IGSF5: variants seen among roughly 807,000 people sequenced by gnomAD.
IGSF5 encodes immunoglobulin superfamily 5 like.
A neutral mutation model predicts 39.4 loss-of-function variants in IGSF5; 41 were observed. The observed-to-expected ratio is 1.04, with a 90% confidence interval of 0.81 to 1.35. The LOEUF is 1.35. Ranked by LOEUF, IGSF5 falls within the 40% of genes most tolerant of loss-of-function variation. IGSF5 has a pLI of 0.00. For synonymous variants in IGSF5, 183 were observed against 175.3 expected (o/e 1.04, Z -0.34); for missense variants, 487 against 494.6 (o/e 0.98, Z 0.15).
chr21:39,735,913 C>A, the IGSF5 span, among the ~76,000 whole-genome samples: 2 of 152,180 alleles, frequency 1.3e-5, no homozygotes, highest in African/African-American at 4.8e-5. Context: ...TCAGATCACT[C>A]CACAATCTTC....
chr21:39,800,114 A>G (rs766648402), intron 8 of IGSF5, among the ~76,000 whole-genome samples: 1 of 152,194 alleles, frequency 6.6e-6, no homozygotes, highest in African/African-American at 2.4e-5. Context: ...AAAATAACCA[A>G]TTACTGGGAA....
intron 8 of IGSF5, 80 bp downstream of exon 8, chr21:39,793,693 T>C: frequency 1.8e-6 from 2 of 1,120,726 alleles, no homozygotes; most frequent in Non-Finnish European, 2.7e-6. Flanking sequence ...GATTATAAAA[T>C]GGTGCGCGTT....
chr21:39,774,634 A>T (rs1055064433), intron 4 of IGSF5, among the ~76,000 whole-genome samples: 1 of 152,236 alleles, frequency 6.6e-6, no homozygotes, highest in Non-Finnish European at 1.5e-5. Context: ...CTGGAGAGTG[A>T]GGCCGTCTCA....
At chr21:39,748,842 A>C (rs2266513) in intron 2 of IGSF5, among the ~76,000 whole-genome samples, 109,308 of 152,078 alleles carry the variant, frequency 0.72, 41,579 homozygotes, top group Non-Finnish European at 0.84. Flanking sequence ...GTGAGGTTAG[A>C]AGTAAGCCTC....
the IGSF5 span, chr21:39,726,221 ATTCCTGTGTGGAC>A: frequency 6.6e-6 from 1 of 152,248 alleles, no homozygotes; most frequent in African/African-American, 2.4e-5. Context: ...TCAGACCTTG[ATTCCTGTGTGGAC>A]TTTGAAAGAG....
chr21:39,730,595 G>T, the IGSF5 span: 1 of 152,192 alleles, frequency 6.6e-6, no homozygotes, highest in East Asian at 1.9e-4. Context: ...CTTGAGCAAC[G>T]ACCAGCTCTT....
upstream of IGSF5, among the ~76,000 whole-genome samples, chr21:39,742,397 T>A (rs534208473): frequency 6.6e-6 from 1 of 151,992 alleles, no homozygotes; most frequent in East Asian, 1.9e-4. Context: ...GACAGGAGAG[T>A]AAGACTGAGA....
At chr21:39,784,128 G>T (rs2080185083) in intron 5 of IGSF5, among the ~76,000 whole-genome samples, 1 of 152,162 alleles carries the variant, frequency 6.6e-6, no homozygotes, top group South Asian at 2.1e-4. Flanking sequence ...AAATTGAAAG[G>T]CAGTAAACTC....
intron 2 of IGSF5, among the ~76,000 whole-genome samples, chr21:39,759,197 T>C (rs1186208313): frequency 6.6e-6 from 1 of 152,186 alleles, no homozygotes; most frequent in Non-Finnish European, 1.5e-5. Context: ...AGTATCAGAG[T>C]GTGTTGCCTG....
intron 2 of IGSF5, among the ~76,000 whole-genome samples, chr21:39,764,774 T>C (rs369363717): frequency 1.4e-4 from 22 of 152,344 alleles, no homozygotes; most frequent in African/African-American, 5.3e-4. Context: ...GTAGGACATG[T>C]TGCAGTGTCA....
chr21:39,768,455 G>C (rs1026211150), intron 3 of IGSF5, among the ~76,000 whole-genome samples: 11 of 152,190 alleles, frequency 7.2e-5, no homozygotes, highest in African/African-American at 2.7e-4. Context: ...GCTAACCTTT[G>C]TGAAAGCCAG....
At chr21:39,713,560 C>T in the IGSF5 span, among the ~76,000 whole-genome samples, 1 of 152,204 alleles carries the variant, frequency 6.6e-6, no homozygotes, top group Non-Finnish European at 1.5e-5. Context: ...CTGTATGGGC[C>T]CAACAGCAGG....
In IGSF5 at chr21:39,747,375, T is replaced by C. The variant is rs572248173; in HGVS notation, c.100+1077T>C. ...TCCCTCCCACAACAGGTGGGAATTA[T>C]GGGAGGACAATTCAAGATGAGATTT... On this transcript the variant is annotated intron_variant, in intron 2 of 8. Coordinates refer to ENST00000380588, the MANE Select transcript of IGSF5 (RefSeq NM_001080444.2). Among the ~76,000 whole-genome samples the C allele has an allele frequency of 1.5e-4, 23 of 152,290 alleles. 1 individual carries two copies. The South Asian group carries it at 4.4e-3, about 29-fold the overall frequency.
In IGSF5 at chr21:39,781,758, A is replaced by G. The variant is rs533278493; in HGVS notation, c.934+2453A>G. Among the ~76,000 whole-genome samples the G allele has an allele frequency of 5.3e-5, 8 of 152,308 alleles. No homozygotes were observed. The South Asian group carries it at 1.7e-3, about 32-fold the overall frequency. On this transcript the variant is annotated intron_variant, in intron 5 of 8. Transcript: ENST00000380588. ...TTGAACTACTGTTCCATCTTTTTGTATGATTGAGAACAATTTTTATATGTT... is the reference window on the plus strand; with the variant it reads ...TTGAACTACTGTTCCATCTTTTTGTGTGATTGAGAACAATTTTTATATGTT...
At chr21:39,758,725 C>T (rs1179162748) in intron 2 of IGSF5, among the ~76,000 whole-genome samples, 1 of 152,168 alleles carries the variant, frequency 6.6e-6, no homozygotes, top group Non-Finnish European at 1.5e-5. Flanking sequence ...ATATACTATA[C>T]ATAGGGGTGC....
At chr21:39,735,471 CTTTAA>C in the IGSF5 span, among the ~76,000 whole-genome samples, 3 of 152,058 alleles carry the variant, frequency 2.0e-5, no homozygotes, top group Non-Finnish European at 4.4e-5. Context: ...AATATTGGCC[CTTTAA>C]TTTAACTTAC....
intron 5 of IGSF5, among the ~76,000 whole-genome samples, chr21:39,785,479 G>A (rs1569257503): frequency 6.6e-6 from 1 of 152,186 alleles, no homozygotes; most frequent in Non-Finnish European, 1.5e-5. Context: ...ATAGTTTGAA[G>A]TCAGGTAGTG....
chr21:39,751,265 G>A (rs1011941768), intron 2 of IGSF5: 12 of 152,194 alleles, frequency 7.9e-5, no homozygotes, highest in African/African-American at 1.4e-4. Flanking sequence ...CAAGAGCCAC[G>A]AAGAGGCCTT....
At chr21:39,764,950 T>C (rs1345309692) in intron 2 of IGSF5, among the ~76,000 whole-genome samples, 3 of 152,158 alleles carry the variant, frequency 2.0e-5, no homozygotes, top group Non-Finnish European at 4.4e-5. Flanking sequence ...AATCCTGGGA[T>C]GTTGCCAGCT....
Sources: gnomAD v4.1 joint callset for allele counts (sites outside exome capture counted in the v4.1 genomes callset) on GRCh38, gnomAD v4.1.1 for gene constraint, MANE v1.5 for transcripts, NCBI Gene and HGNC (gene_info 2026-07-23, HGNC 2026-07-21) for gene names.